ANGPTL5: variants seen among roughly 807,000 people sequenced by gnomAD.
ANGPTL5 encodes angiopoietin-related protein 5.
ANGPTL5 carries 34 observed loss-of-function variants against 39.4 expected under a neutral mutation model. The ratio of observed to expected loss-of-function variants is 0.86; its 90% CI spans 0.66 to 1.15. ANGPTL5 has a LOEUF of 1.15. Ranked by LOEUF, ANGPTL5 falls within the 50% of genes most tolerant of loss-of-function variation. The probability of loss-of-function intolerance (pLI) is 0.00; values close to 1 mark genes in which losing one functional copy is unlikely to be tolerated. For missense variants in ANGPTL5, 467 were observed against 457.5 expected (o/e 1.02, Z -0.19); for synonymous variants, 146 against 152.1 (o/e 0.96, Z 0.29).
rs1422548810 is a variant in ANGPTL5 at position 101,905,753 on chromosome 11, T to C, written c.336A>G (p.Leu112=). The C allele has an allele frequency of 6.3e-7, 1 of 1,598,362 alleles. No homozygotes were observed. Among genetic ancestry groups the C allele is most frequent in the Non-Finnish European group, 8.6e-7 (1 of 1,166,424 alleles). The change falls in exon 4 of 9, where the codon TTA becomes TTG. Residue 112 remains leucine (L), a synonymous_variant. Transcript: ENST00000334289. The part of the protein sequence containing the change: ...MDEQQASLDY[L]SNQVNELMNR... The stretch of plus-strand genomic sequence containing the variant: ...ACTAAAACATCTATACCTGATTAGA[T>C]AAATAATCCAAGGAAGCTTGTTGCT...
At position 101,905,854 on chromosome 11, in the gene ANGPTL5, C is replaced by G. The variant is rs1565341802; in HGVS notation, c.242-7G>C. On this transcript the variant is annotated splice_region_variant and splice_polypyrimidine_tract_variant and intron_variant, in intron 3 of 8. Coordinates refer to ENST00000334289, the MANE Select transcript of ANGPTL5 (RefSeq NM_178127.5). ...ATAGAATTTTGCAAATTTCCTTAAC[C>G]ATAATAAAAAGTGGCTGTTAAATAT... 6.6e-7 allele frequency: 1 copy of G among 1,509,496 alleles called. No homozygotes were observed. The highest frequency in any genetic ancestry group is 9.2e-7 in the Non-Finnish European group (1 of 1,088,052). The allele number at this position is 1,509,496 out of a possible 1,614,324, so 93.5% of individuals were successfully genotyped here.
intron 7 of ANGPTL5, among the ~76,000 whole-genome samples, chr11:101,895,667 G>C (rs183065536): frequency 6.6e-6 from 1 of 152,080 alleles, no homozygotes; most frequent in Non-Finnish European, 1.5e-5. Context: ...CCGGGTTTAG[G>C]ATCAATATTT....
intron 8 of ANGPTL5, among the ~76,000 whole-genome samples, chr11:101,892,401 T>C (rs188307587): frequency 6.6e-6 from 1 of 152,196 alleles, no homozygotes; most frequent in African/African-American, 2.4e-5. Flanking sequence ...CAGCTAATTT[T>C]TGTATTTTTA....
At position 101,894,922 on chromosome 11, in the gene ANGPTL5, C is replaced by T. The variant is rs775995082; in HGVS notation, c.804G>A (p.Thr268=). The change falls in exon 8 of 9, where the codon ACG becomes ACA. Residue 268 remains threonine (T), a synonymous_variant. Transcript: ENST00000334289. The part of the protein sequence containing the change: ...SYDNFWLEDE[T]RFFKMHLGRY... Reference sequence around the variant, plus strand: ...GTCCTAAGTGCATTTTAAAAAATCTCGTTTCATCCTCTAGCCAAAAATTAT... The same window carrying T: ...GTCCTAAGTGCATTTTAAAAAATCTTGTTTCATCCTCTAGCCAAAAATTAT... The T allele has an allele frequency of 6.2e-6, 10 of 1,613,326 alleles. No individual in the cohort carries two copies. The highest frequency in any genetic ancestry group is 5.3e-5 in the African/African-American group (4 of 74,872).
intron 7 of ANGPTL5, among the ~76,000 whole-genome samples, chr11:101,896,743 T>C (rs1007104865): frequency 6.6e-6 from 1 of 152,220 alleles, no homozygotes; most frequent in African/African-American, 2.4e-5. Context: ...ATTTTCCTTA[T>C]CCAGTCTATC....
At chr11:101,895,447 T>C (rs1939774518) in intron 7 of ANGPTL5, among the ~76,000 whole-genome samples, 1 of 152,208 alleles carries the variant, frequency 6.6e-6, no homozygotes, top group Non-Finnish European at 1.5e-5. Context: ...CCAATTGAAA[T>C]ATTATGGCAG....
At chr11:101,900,655 G>T in intron 6 of ANGPTL5, 105 bp from the exon 7 acceptor site, 2 of 1,160,580 alleles carry the variant, frequency 1.7e-6, no homozygotes, top group South Asian at 1.3e-5. Context: ...AGACGGTACT[G>T]CCACTGAGTT....
chr11:101,898,177 C>T (rs915606008), intron 7 of ANGPTL5, among the ~76,000 whole-genome samples: 7 of 152,118 alleles, frequency 4.6e-5, no homozygotes, highest in African/African-American at 1.7e-4. Flanking sequence ...GAGCCAAGAT[C>T]ACGCCATTGC....
intron 8 of ANGPTL5, among the ~76,000 whole-genome samples, chr11:101,894,220 T>G (rs921818681): frequency 6.6e-6 from 1 of 152,236 alleles, no homozygotes; most frequent in Non-Finnish European, 1.5e-5. Context: ...CATTTATTTT[T>G]TGATTTCTAA....
At chr11:101,897,543 G>A (rs919727717) in intron 7 of ANGPTL5, among the ~76,000 whole-genome samples, 5 of 152,194 alleles carry the variant, frequency 3.3e-5, no homozygotes, top group African/African-American at 9.7e-5. Context: ...TAAGGTAAAA[G>A]AAAGGGATCC....
At position 101,891,168 on chromosome 11, in the gene ANGPTL5, T is replaced by C; in HGVS notation, c.*111A>G. On this transcript the variant is annotated 3_prime_UTR_variant, in exon 9 of 9. Coordinates refer to ENST00000334289, the MANE Select transcript of ANGPTL5 (RefSeq NM_178127.5). ...TTAAACTCATAACATCTAAATGCCATCTACAGTTAAATTTTGCCTAATATG... is the reference window on the plus strand; with the variant it reads ...TTAAACTCATAACATCTAAATGCCACCTACAGTTAAATTTTGCCTAATATG... 1.0e-6 allele frequency: 1 copy of C among 976,508 alleles called. No individual in the cohort carries two copies. Among genetic ancestry groups the C allele is most frequent in the Non-Finnish European group, 1.5e-6 (1 of 675,250 alleles). 60.5% of individuals were successfully genotyped at this position (976,508 alleles called of 1,614,324 possible). A position where few individuals can be genotyped will look rare whatever the true frequency, so the allele number is the denominator to read the frequency against.
rs183939092 is a variant in ANGPTL5 at position 101,908,846 on chromosome 11, T to G, written c.-92-845A>C. 1.9e-4 allele frequency among the ~76,000 whole-genome samples: 29 copies of G among 151,980 alleles called. No individual in the cohort carries two copies. In the East Asian group the frequency reaches 4.2e-3, roughly 22 times the overall value. The stretch of plus-strand genomic sequence containing the variant: ...AATTAATCTGTAATTAGTTGTAATC[T>G]AATTACAACTATTTTGTTAAAACTG... On this transcript the variant is annotated intron_variant, in intron 1 of 8. Coordinates refer to ENST00000334289, the MANE Select transcript of ANGPTL5 (RefSeq NM_178127.5).
rs1940010707 is a variant in ANGPTL5, at chr11:101,907,150, C to A, written c.194G>T (p.Cys65Phe). The A allele has an allele frequency of 6.3e-7, 1 of 1,592,892 alleles. No homozygotes were observed. The highest frequency in any genetic ancestry group is 8.6e-7 in the Non-Finnish European group (1 of 1,164,010). ...TCGTGTAATTTTAGTTTTAACATCA[C>A]ATGATTCCTCACAGTCTTCCTTACA... ...TVCKEDCEES[C>F]DVKTKITREE... Residue 65 changes from cysteine to phenylalanine, a missense_variant, in exon 3 of 9, where the codon TGT becomes TTT. By Grantham distance (205) the Cys-to-Phe change is radical. Coordinates refer to ENST00000334289, the MANE Select transcript of ANGPTL5 (RefSeq NM_178127.5).
In ANGPTL5 at chr11:101,891,410, T is replaced by A; in HGVS notation, c.1036A>T (p.Ile346Phe). The change falls in exon 9 of 9, where the codon ATT becomes TTT. Residue 346 changes from isoleucine (I) to phenylalanine (F), a missense_variant. Coordinates refer to ENST00000334289, the MANE Select transcript of ANGPTL5 (RefSeq NM_178127.5). ...AGCAATTTTCCAGAGAAGTGATGAA[T>A]GCCATTTAGATTTGCTAGACCACAC... ...NECGLANLNG[I>F]HHFSGKLLAT... 6.2e-7 allele frequency: 1 copy of A among 1,614,090 alleles called. No individual in the cohort carries two copies. Among genetic ancestry groups the A allele is most frequent in the Non-Finnish European group, 8.5e-7 (1 of 1,179,996 alleles).
chr11:101,910,424 A>AAAATATATAT lies in ANGPTL5; in HGVS notation c.-92-2424_-92-2423insATATATATTT, dbSNP rs1469724609. 7.9e-5 allele frequency among the ~76,000 whole-genome samples: 10 copies of AAAATATATAT among 127,208 alleles called. No individual in the cohort carries two copies. In the East Asian group the frequency reaches 1.1e-3, roughly 14 times the overall value. The allele number at this position is 127,208 out of a possible 152,430, so 83.5% of individuals were successfully genotyped here. ...AAACTCCGTCTCAAAAAAAAAAAAA[A>AAAATATATAT]ATATATATATATATATATATATTCA... is the stretch of plus-strand genomic sequence containing the variant. On this transcript the variant is annotated intron_variant, in intron 1 of 8. Transcript: ENST00000334289.
intron 1 of ANGPTL5, among the ~76,000 whole-genome samples, chr11:101,908,780 C>CAAAAAAAAA (rs59041644): frequency 3.1e-5 from 2 of 64,984 alleles, no homozygotes; most frequent in South Asian, 5.7e-4. Context: ...GACTCCATCT[C>CAAAAAAAAA]AAAAAAAAAA....
rs768890947 is a variant in ANGPTL5, at chr11:101,905,811, C to T, written c.278G>A (p.Ser93Asn). The change falls in exon 4 of 9, where the codon AGT becomes AAT. Residue 93 changes from serine to asparagine, a missense_variant. Ser to Asn is a conservative substitution (Grantham distance 46). Transcript: ENST00000334289. Reference protein sequence around the residue: ...LQNSIVSYTRSTKKLLRNMMD... With the variant: ...LQNSIVSYTRNTKKLLRNMMD... ...CATATTCCTTAGTAGTTTTTTGGTA[C>T]TTCTTGTGTAGGAAACAATAGAATT... The T allele has an allele frequency of 5.0e-5, 80 of 1,611,708 alleles. No individual in the cohort carries two copies. In the Admixed American group the frequency reaches 1.3e-3, roughly 26 times the overall value.
At chr11:101,898,615 T>C (rs1287312085) in intron 7 of ANGPTL5, among the ~76,000 whole-genome samples, 1 of 152,194 alleles carries the variant, frequency 6.6e-6, no homozygotes, top group African/African-American at 2.4e-5. Context: ...CTTCCTCTTT[T>C]CCTAATTGAA....
intron 8 of ANGPTL5, among the ~76,000 whole-genome samples, chr11:101,892,313 C>T (rs561090268): frequency 1.1e-4 from 17 of 152,260 alleles, no homozygotes; most frequent in South Asian, 6.2e-4. Context: ...TCACTGCAAC[C>T]TTCACCTCCC....
Sources: allele counts gnomAD v4.1 joint callset (sites outside exome capture counted in the v4.1 genomes callset), GRCh38; gene constraint gnomAD v4.1.1; transcripts MANE v1.5; gene names NCBI Gene and HGNC (gene_info 2026-07-23, HGNC 2026-07-21).